NSMCE4A: variants seen among roughly 807,000 people sequenced by gnomAD.
The protein encoded by NSMCE4A is NSE4A component of SMC5/6 complex, also known as non-structural maintenance of chromosomes element 4 homolog A.
A neutral mutation model predicts 47.9 loss-of-function variants in NSMCE4A; 40 were observed. The observed-to-expected ratio is 0.83, with a 90% CI of 0.65 to 1.09. The LOEUF is 1.09. NSMCE4A is among the 50% of genes least tolerant of loss of function. NSMCE4A has a pLI of 0.00. For missense variants in NSMCE4A, 500 were observed against 507.0 expected (o/e 0.99, Z 0.13); for synonymous variants, 166 against 178.5 (o/e 0.93, Z 0.56).
Position 121,970,943 on chromosome 10 carries a change from G to A in NSMCE4A, c.497C>T (p.Thr166Ile), listed in dbSNP as rs373098692. Residue 166 changes from threonine (T) to isoleucine (I), a missense_variant, in exon 3 of 11, where the codon ACT becomes ATT. By Grantham distance (89) the Thr-to-Ile change is moderately conservative (BLOSUM62 -1). Coordinates refer to ENST00000369023, the MANE Select transcript of NSMCE4A (RefSeq NM_017615.3). ...SSFDMLRYVE[T>I]LLTHMGVNPL... ...AGTCTGTAGCTTTGAACTTACTAGAGTTTCAACATATCTTAACATGTCAAA... is the reference window on the plus strand; with the variant it reads ...AGTCTGTAGCTTTGAACTTACTAGAATTTCAACATATCTTAACATGTCAAA... 30 of 1,607,938 alleles carry A rather than the reference G, an allele frequency of 1.9e-5. No homozygotes were observed. The highest frequency in any genetic ancestry group is 2.5e-5 in the Non-Finnish European group (30 of 1,177,174).
chr10:121,970,830 CA>C (rs1457810363), intron 3 of NSMCE4A, 108 bp downstream of exon 3: 21 of 1,029,626 alleles, frequency 2.0e-5, no homozygotes, highest in South Asian at 8.7e-5. Context: ...AATCTGAGAC[CA>C]AAAAAGAAGA....
intron 2 of NSMCE4A, among the ~76,000 whole-genome samples, chr10:121,971,787 G>A (rs78814599): frequency 0.011 from 1,673 of 152,280 alleles, 11 homozygotes; most frequent in Non-Finnish European, 0.018. Context: ...TTTGTGAACA[G>A]CAATAGGTAA....
chr10:121,967,204 T>G (rs1274999417), intron 4 of NSMCE4A: 1 of 154,116 alleles, frequency 6.5e-6, no homozygotes, highest in Non-Finnish European at 1.4e-5. Flanking sequence ...TTATGGACTT[T>G]TTTTTCTTTT....
At chr10:121,965,049 G>A (rs975423754) in intron 5 of NSMCE4A, among the ~76,000 whole-genome samples, 1 of 152,156 alleles carries the variant, frequency 6.6e-6, no homozygotes, top group Non-Finnish European at 1.5e-5. Flanking sequence ...AATGTTGACA[G>A]TGCTGAGGTT....
intron 10 of NSMCE4A, among the ~76,000 whole-genome samples, chr10:121,957,987 T>C (rs918488989): frequency 6.6e-6 from 1 of 151,390 alleles, no homozygotes; most frequent in African/African-American, 2.4e-5. Context: ...CCCAGCACTT[T>C]GGGAGGCCGA....
chr10:121,970,602 G>A (rs924989516), intron 3 of NSMCE4A, among the ~76,000 whole-genome samples: 2 of 151,382 alleles, frequency 1.3e-5, no homozygotes, highest in East Asian at 1.9e-4. Flanking sequence ...CTCTGCCATC[G>A]CAGAGTGGGC....
At chr10:121,968,592 C>A (rs1952649196) in intron 3 of NSMCE4A, among the ~76,000 whole-genome samples, 1 of 152,122 alleles carries the variant, frequency 6.6e-6, no homozygotes, top group Non-Finnish European at 1.5e-5. Flanking sequence ...TCAAATAATT[C>A]TCTCATCTCA....
In NSMCE4A at chr10:121,957,479, C is replaced by A. The variant is rs192122692; in HGVS notation, c.*13-220G>T. Among the ~76,000 whole-genome samples, 30 of 134,010 alleles carry A rather than the reference C, an allele frequency of 2.2e-4. 1 individual carries two copies. Among genetic ancestry groups the A allele is most frequent in the African/African-American group, 8.1e-4 (28 of 34,628 alleles). 87.9% of individuals were successfully genotyped at this position (134,010 alleles called of 152,430 possible). A position where few individuals can be genotyped will look rare whatever the true frequency, so the allele number is the denominator to read the frequency against. ...ACAGAGTTTCGCTCTGTCGCCCAGG[C>A]TGGAGTGCAGTGGCACAATCTCAGG... On this transcript the variant is annotated intron_variant, in intron 10 of 10. Coordinates refer to ENST00000369023, the MANE Select transcript of NSMCE4A (RefSeq NM_017615.3).
intron 4 of NSMCE4A, chr10:121,966,753 G>A (rs2134760551): frequency 6.6e-6 from 1 of 152,268 alleles, no homozygotes; most frequent in South Asian, 2.1e-4. Context: ...GTATTTACTG[G>A]GCAACAAAAC....
chr10:121,965,370 G>A lies in NSMCE4A; in HGVS notation c.669C>T (p.Tyr223=), dbSNP rs368853068. 27 of 1,612,442 alleles carry A rather than the reference G, an allele frequency of 1.7e-5. No individual in the cohort carries two copies. Among genetic ancestry groups the A allele is most frequent in the Middle Eastern group, 1.6e-4 (1 of 6,062 alleles). Residue 223 remains tyrosine, a synonymous_variant, in exon 5 of 11, where the codon TAC becomes TAT. Coordinates refer to ENST00000369023, the MANE Select transcript of NSMCE4A (RefSeq NM_017615.3). ...GTGGCTTTGGCACAGGGCACTCTCC[G>A]TATATTGAACCCAACCTAATGAAAA... The part of the protein sequence containing the change: ...HTFHFLLGSI[Y]GECPVPKPRV...
intron 3 of NSMCE4A, among the ~76,000 whole-genome samples, chr10:121,970,474 A>AG (rs1391293145): frequency 9.8e-6 from 1 of 101,614 alleles, no homozygotes; most frequent in Non-Finnish European, 2.2e-5. Context: ...TCTGTCTCAA[A>AG]GGAAAAAAAA....
intron 2 of NSMCE4A, among the ~76,000 whole-genome samples, chr10:121,972,046 C>A (rs1952724312): frequency 6.6e-6 from 1 of 152,220 alleles, no homozygotes; most frequent in African/African-American, 2.4e-5. Flanking sequence ...ACAGGCTGGG[C>A]ACAGCAGCTC....
chr10:121,975,201 A>G lies in NSMCE4A; in HGVS notation c.-36T>C. ...CACCGTGCAACTTCGGAACGGCGGA[A>G]GTTCGCGCCAGAAACTGAAACCCCT... On this transcript the variant is annotated 5_prime_UTR_variant, in exon 1 of 11. Coordinates refer to ENST00000369023, the MANE Select transcript of NSMCE4A (RefSeq NM_017615.3). The G allele has an allele frequency of 7.4e-7, 1 of 1,349,630 alleles. No homozygotes were observed. Among genetic ancestry groups the G allele is most frequent in the Non-Finnish European group, 9.5e-7 (1 of 1,056,282 alleles). 83.6% of individuals were successfully genotyped at this position (1,349,630 alleles called of 1,614,324 possible). A position where few individuals can be genotyped will look rare whatever the true frequency, so the allele number is the denominator to read the frequency against.
chr10:121,963,589 C>A (rs572425949), intron 5 of NSMCE4A, among the ~76,000 whole-genome samples: 1 of 135,068 alleles, frequency 7.4e-6, no homozygotes, highest in African/African-American at 2.6e-5. Flanking sequence ...CACCACTACA[C>A]CTGGCTAATT....
intron 10 of NSMCE4A, among the ~76,000 whole-genome samples, 170 bp from the exon 11 acceptor site, chr10:121,957,429 C>CTTTTTTTTTTT (rs34808169): frequency 1.0e-5 from 1 of 98,360 alleles, no homozygotes. Flanking sequence ...CTTCTTTTTT[C>CTTTTTTTTTTT]TTTTTTTTTT....
chr10:121,970,805 A>G, intron 3 of NSMCE4A, 134 bp downstream of exon 3: 1 of 711,626 alleles, frequency 1.4e-6, no homozygotes, highest in Non-Finnish European at 2.1e-6. Context: ...TAAATTGGTA[A>G]GATCTCTACA....
chr10:121,963,798 T>C (rs1236975073), intron 5 of NSMCE4A, among the ~76,000 whole-genome samples: 1 of 151,884 alleles, frequency 6.6e-6, no homozygotes, highest in Non-Finnish European at 1.5e-5. Flanking sequence ...GAGAATGGCA[T>C]GAACCCGGGA....
chr10:121,959,458 A>T (rs1257179792), intron 9 of NSMCE4A, 43 bp downstream of exon 9: 1 of 1,609,052 alleles, frequency 6.2e-7, no homozygotes, highest in Admixed American at 1.7e-5. Context: ...CTGCAAGTGA[A>T]GGCAGAGTCA....
chr10:121,958,424 T>A (rs1290067893), intron 10 of NSMCE4A, among the ~76,000 whole-genome samples: 1 of 152,194 alleles, frequency 6.6e-6, no homozygotes, highest in Non-Finnish European at 1.5e-5. Context: ...TTCATAAAAA[T>A]GAAGAAGAAT....
Sources: gnomAD v4.1 joint callset for allele counts (sites outside exome capture counted in the v4.1 genomes callset) on GRCh38, gnomAD v4.1.1 for gene constraint, MANE v1.5 for transcripts, NCBI Gene and HGNC (gene_info 2026-07-23, HGNC 2026-07-21) for gene names.